The following NIT1 variants were observed in gnomAD, a reference collection of about 807,000 sequenced individuals.
The protein encoded by NIT1 is deaminated glutathione amidase.
In NIT1, 30 loss-of-function variants were observed where a neutral mutation model predicts 36.8. The observed-to-expected ratio is 0.82, with a 90% CI of 0.61 to 1.11. The LOEUF is 1.11. NIT1 is among the 50% of genes least tolerant of loss of function. NIT1 has a pLI of 0.00. For missense variants in NIT1, 438 were observed against 410.6 expected, an observed-to-expected ratio of 1.07 and a Z score of -0.58; for synonymous variants, 151 against 155.6, an observed-to-expected ratio of 0.97 and a Z score of 0.22.
downstream of NIT1, chr1:161,121,895 C>T: frequency 2.2e-6 from 1 of 464,430 alleles, no homozygotes; most frequent in Non-Finnish European, 3.9e-6. Flanking sequence ...TGTCTTACGG[C>T]TCAGTGGTAA....
chr1:161,122,501 A>G, downstream of NIT1: 1 of 1,613,906 alleles, frequency 6.2e-7, no homozygotes, highest in Non-Finnish European at 8.5e-7. This position sits in a 1 kb window ranked among gnomAD's most constrained non-coding sequence, Gnocchi z 4.2. Context: ...GGCAGTATTC[A>G]GCCCGAACCC....
At chr1:161,123,699 C>A, downstream of NIT1, 1 of 721,070 alleles carries the variant, frequency 1.4e-6, no homozygotes, top group Non-Finnish European at 2.3e-6. Context: ...GAAATGTCAC[C>A]TCGCCTGATT....
chr1:161,119,193 A>C lies in NIT1; in HGVS notation c.158A>C (p.Gln53Pro). ...SCELPLVAVC[Q>P]VTSTPDKQQN... ...GAACTGCCCCTGGTGGCTGTGTGCCAGGTAACATCGACGCCAGACAAGCAA... is the reference window on the plus strand; with the variant it reads ...GAACTGCCCCTGGTGGCTGTGTGCCCGGTAACATCGACGCCAGACAAGCAA... The change falls in exon 3 of 7, where the codon CAG becomes CCG. Residue 53 changes from glutamine (Q) to proline (P), a missense_variant. Transcript: ENST00000368009. 12 of 1,614,182 alleles carry C rather than the reference A, an allele frequency of 7.4e-6. No individual in the cohort carries two copies. The highest frequency in any genetic ancestry group is 1.0e-5 in the Non-Finnish European group (12 of 1,180,036).
At chr1:161,124,197 A>G, downstream of NIT1, 1 of 1,614,236 alleles carries the variant, frequency 6.2e-7, no homozygotes, top group Non-Finnish European at 8.5e-7. Context: ...GATGATGCGC[A>G]GCAGCTGCAG....
intron 1 of NIT1, 38 bp downstream of exon 1, chr1:161,118,216 C>A: frequency 1.2e-6 from 2 of 1,614,000 alleles, no homozygotes; most frequent in Non-Finnish European, 1.7e-6. Flanking sequence ...CGCGGTGAAT[C>A]CCACCTGCGG....
chr1:161,119,014 C>A, intron 2 of NIT1, 120 bp from the exon 3 acceptor site: 1 of 1,397,730 alleles, frequency 7.2e-7, no homozygotes, highest in Non-Finnish European at 1.0e-6. Flanking sequence ...GGTCAACGTG[C>A]CCTGTAAGAG....
Position 161,121,040 on chromosome 1 carries a change from CA to C in NIT1, c.*276del. The stretch of plus-strand genomic sequence containing the variant: ...TCTGCTGAGGGCTGAGCAGCACTGG[CA>C]TTGAAAAATATAATAATCATAAAGT... On this transcript the variant is annotated 3_prime_UTR_variant, in exon 7 of 7. Coordinates refer to ENST00000368009, the MANE Select transcript of NIT1 (RefSeq NM_005600.3). 1 of 1,307,038 alleles carries C rather than the reference CA, an allele frequency of 7.7e-7. No homozygotes were observed. The highest frequency in any genetic ancestry group is 9.8e-7 in the Non-Finnish European group (1 of 1,024,242). The allele number at this position is 1,307,038 out of a possible 1,614,324, so 81.0% of individuals were successfully genotyped here. A position where few individuals can be genotyped will look rare whatever the true frequency, so the allele number is the denominator to read the frequency against.
downstream of NIT1, chr1:161,123,154 G>A (rs1240840348): frequency 1.4e-5 from 22 of 1,614,204 alleles, no homozygotes; most frequent in Admixed American, 1.7e-5. Context: ...CTCTCCCTCG[G>A]GCTGGCCGCT....
At chr1:161,118,741 T>C (rs1314004905) in intron 1 of NIT1, 45 bp from the exon 2 acceptor site, 1 of 1,518,716 alleles carries the variant, frequency 6.6e-7, no homozygotes, top group Non-Finnish European at 9.1e-7. Flanking sequence ...TAGAAATTTA[T>C]TGCTTGAAGA....
intron 4 of NIT1, 49 bp from the exon 5 acceptor site, chr1:161,119,770 G>C (rs764342749): frequency 1.3e-6 from 2 of 1,575,230 alleles, no homozygotes; most frequent in Non-Finnish European, 1.7e-6. Context: ...GGAGGAGTAA[G>C]CAAGGCTTCT....
chr1:161,119,935 A>T lies in NIT1; in HGVS notation c.574A>T (p.Ser192Cys). 6.2e-7 allele frequency: 1 copy of T among 1,610,930 alleles called. No homozygotes were observed. The highest frequency in any genetic ancestry group is 1.1e-5 in the South Asian group (1 of 90,690). ...MPGPSLESPV[S>C]TPAGKIGLAV... ...TGGGCCCAGTCTTGAGTCACCTGTC[A>T]GCACACCAGCAGGCAAGGTAGGAGT... The change falls in exon 5 of 7, where the codon AGC becomes TGC. Residue 192 changes from serine to cysteine, a missense_variant. Ser to Cys is a moderately radical substitution (Grantham distance 112, BLOSUM62 -1). Coordinates refer to ENST00000368009, the MANE Select transcript of NIT1 (RefSeq NM_005600.3).
At chr1:161,118,388 CT>C (rs1474104894) in intron 1 of NIT1, 3 of 1,528,692 alleles carry the variant, frequency 2.0e-6, no homozygotes, top group Non-Finnish European at 1.8e-6. Flanking sequence ...AGAGGGTGAA[CT>C]TTCCCCTGCG....
At chr1:161,122,061 G>A (rs1300778733), downstream of NIT1, 8 of 1,460,212 alleles carry the variant, frequency 5.5e-6, no homozygotes, top group Admixed American at 6.5e-5. This position sits in a 1 kb window ranked among gnomAD's most constrained non-coding sequence, Gnocchi z 4.2. Flanking sequence ...GTGATTGGTT[G>A]GAAGGGTAGA....
chr1:161,123,299 G>A (rs1655738712), downstream of NIT1: 1 of 1,363,340 alleles, frequency 7.3e-7, no homozygotes, highest in Non-Finnish European at 1.0e-6. Context: ...AATGAGGAAG[G>A]AATCATTTAG....
chr1:161,121,927 C>A, downstream of NIT1: 1 of 560,296 alleles, frequency 1.8e-6, no homozygotes. Flanking sequence ...AGACACATTA[C>A]GGGGTAAATG....
Position 161,120,792 on chromosome 1 carries a change from G to GCCCCGCCCCC in NIT1, c.*31_*32insGCCCCCCCCC. ...ACTTGACTTCTGTGAGTTTAGACCT[G>GCCCCGCCCCC]CCCCTCCCACCCCCACCCTGCCACT... is the stretch of plus-strand genomic sequence containing the variant. On this transcript the variant is annotated 3_prime_UTR_variant, in exon 7 of 7. Coordinates refer to ENST00000368009, the MANE Select transcript of NIT1 (RefSeq NM_005600.3). The GCCCCGCCCCC allele has an allele frequency of 6.3e-7, 1 of 1,598,772 alleles. No homozygotes were observed. The highest frequency in any genetic ancestry group is 8.5e-7 in the Non-Finnish European group (1 of 1,172,724).
chr1:161,120,751 C>A lies in NIT1; in HGVS notation c.970C>A (p.His324Asn). 1 of 1,613,364 alleles carries A rather than the reference C, an allele frequency of 6.2e-7. No homozygotes were observed. Among genetic ancestry groups the A allele is most frequent in the South Asian group, 1.1e-5 (1 of 91,066 alleles). The change falls in exon 7 of 7, where the codon CAC becomes AAC. Residue 324 changes from histidine (H) to asparagine (N), a missense_variant. His to Asn is a moderately conservative substitution (Grantham distance 68). Coordinates refer to ENST00000368009, the MANE Select transcript of NIT1 (RefSeq NM_005600.3). Reference protein sequence around the residue: ...RRPDLYGNLGHPLS With the variant: ...RRPDLYGNLGNPLS ...GCCTGACCTCTATGGCAATCTGGGT[C>A]ACCCACTGTCTTAAGACTTGACTTC...
At position 161,119,894 on chromosome 1, in the gene NIT1, G is replaced by A; in HGVS notation, c.533G>A (p.Ser178Asn). Residue 178 changes from serine (S) to asparagine (N), a missense_variant, in exon 5 of 7, where the codon AGC becomes AAC. Ser to Asn is a conservative substitution (Grantham distance 46). Coordinates refer to ENST00000368009, the MANE Select transcript of NIT1 (RefSeq NM_005600.3). ...CCAGGGCAGGGGCCTATGTGTGAAA[G>A]CAACTCTACCATGCCTGGGCCCAGT... The part of the protein sequence containing the change: ...EIPGQGPMCE[S>N]NSTMPGPSLE... The A allele has an allele frequency of 6.2e-7, 1 of 1,613,132 alleles. No homozygotes were observed. The highest frequency in any genetic ancestry group is 8.5e-7 in the Non-Finnish European group (1 of 1,179,790).
In NIT1 at chr1:161,119,813, C is replaced by T; in HGVS notation, c.458-6C>T. 1 of 1,593,440 alleles carries T rather than the reference C, an allele frequency of 6.3e-7. No individual in the cohort carries two copies. The highest frequency in any genetic ancestry group is 8.5e-7 in the Non-Finnish European group (1 of 1,171,346). ...CAGCACTGATATTCCTTCTTTCTTA[C>T]TGTAGGGGCAGTAGTGGCCACTTAC... On this transcript the variant is annotated splice_polypyrimidine_tract_variant and splice_region_variant and intron_variant, in intron 4 of 6. Coordinates refer to ENST00000368009, the MANE Select transcript of NIT1 (RefSeq NM_005600.3).
Sources: allele counts gnomAD v4.1 joint callset, GRCh38; gene constraint gnomAD v4.1.1; non-coding constraint Gnocchi (gnomAD v3.1); transcripts MANE v1.5; gene names NCBI Gene and HGNC (gene_info 2026-07-23, HGNC 2026-07-21).